The following CGGBP1 variants were observed in gnomAD, a reference collection of about 807,000 sequenced individuals.
The protein encoded by CGGBP1 is CGG triplet repeat binding protein 1.
Under a neutral mutation model 11.4 loss-of-function variants are expected in CGGBP1, and 4 were observed. The ratio of observed to expected loss-of-function variants is 0.35; its 90% CI spans 0.17 to 0.80. The LOEUF (loss-of-function observed/expected upper bound fraction) is 0.80, where lower values mean the gene tolerates loss of function less well. Among genes scored for constraint, CGGBP1 ranks in the 30% least tolerant of loss-of-function variants. The pLI is 0.52. For synonymous variants in CGGBP1, 76 were observed against 74.1 expected, an observed-to-expected ratio of 1.03 and a Z score of -0.13; for missense variants, 135 against 202.1, an observed-to-expected ratio of 0.67 and a Z score of 2.01.
intron 2 of CGGBP1, among the ~76,000 whole-genome samples, chr3:88,133,512 G>A (rs1706587339): frequency 6.6e-6 from 1 of 152,130 alleles, no homozygotes; most frequent in South Asian, 2.1e-4. Context: ...GGGTATTCAT[G>A]AAGGCTTTCC....
At chr3:88,084,775 C>T (rs925004058) in intron 2 of CGGBP1, among the ~76,000 whole-genome samples, 1 of 152,146 alleles carries the variant, frequency 6.6e-6, no homozygotes, top group Admixed American at 6.5e-5. Flanking sequence ...CAGCAAGCAG[C>T]GTGAGTTTCG....
chr3:88,117,956 AAC>A (rs1705513896), intron 2 of CGGBP1, among the ~76,000 whole-genome samples: 1 of 151,996 alleles, frequency 6.6e-6, no homozygotes, highest in African/African-American at 2.4e-5. Context: ...AAAAAAAAAA[AAC>A]AACCAAGAAC....
chr3:88,075,244 C>T (rs1381204582), intron 2 of CGGBP1, among the ~76,000 whole-genome samples: 2 of 152,192 alleles, frequency 1.3e-5, no homozygotes, highest in Non-Finnish European at 2.9e-5. Context: ...GAGCATATCA[C>T]TTACTTGTAG....
chr3:88,091,476 A>C (rs1017550994), intron 2 of CGGBP1, among the ~76,000 whole-genome samples: 1 of 152,116 alleles, frequency 6.6e-6, no homozygotes. Flanking sequence ...TCTTTCATCT[A>C]TATAATCTTT....
chr3:88,056,852 T>G (rs1425041527), intron 3 of CGGBP1: 1 of 152,220 alleles, frequency 6.6e-6, no homozygotes, highest in Non-Finnish European at 1.5e-5. Context: ...TATATTTATT[T>G]AATCTAGAAG....
intron 2 of CGGBP1, among the ~76,000 whole-genome samples, chr3:88,101,371 A>G (rs966136184): frequency 2.0e-5 from 3 of 152,174 alleles, no homozygotes; most frequent in African/African-American, 7.2e-5. Context: ...ATGATATCAT[A>G]GAATATGTAG....
chr3:88,108,622 C>T (rs947191686), intron 2 of CGGBP1, among the ~76,000 whole-genome samples: 9 of 152,176 alleles, frequency 5.9e-5, no homozygotes, highest in African/African-American at 2.2e-4. Context: ...TGTATCTACA[C>T]TGTATACGCT....
intron 2 of CGGBP1, among the ~76,000 whole-genome samples, chr3:88,093,874 A>G (rs1399056300): frequency 6.6e-6 from 1 of 152,186 alleles, no homozygotes; most frequent in Admixed American, 6.5e-5. Flanking sequence ...GCTGGGCCCC[A>G]CAAAAGGTGT....
At chr3:88,097,982 C>G (rs998257090) in intron 2 of CGGBP1, among the ~76,000 whole-genome samples, 6 of 152,056 alleles carry the variant, frequency 3.9e-5, no homozygotes, top group African/African-American at 1.4e-4. Context: ...TAACTAAGAT[C>G]AGAGCAGAAC....
chr3:88,140,396 T>C lies in CGGBP1; in HGVS notation c.-229+574A>G, dbSNP rs192319719. On this transcript the variant is annotated intron_variant, in intron 2 of 3. Coordinates refer to the CGGBP1 transcript ENST00000462901. The stretch of plus-strand genomic sequence containing the variant: ...CTAGTAATGAGAAACAAACTATTAG[T>C]CTGCCAGTTTCTACTAGCAAATCAA... 4.8e-5 allele frequency: 77 copies of C among 1,613,126 alleles called. No individual in the cohort carries two copies. The East Asian group carries it at 1.6e-3, about 33-fold the overall frequency.
chr3:88,065,313 G>C lies in CGGBP1; in HGVS notation c.-228-7090C>G, dbSNP rs138909245. ...TTGTTGCTCCTTAATGCCTTTATAG[G>C]TTGACTTTCAGAGTTGAGTTGAACT... On this transcript the variant is annotated intron_variant, in intron 2 of 3. Coordinates refer to the CGGBP1 transcript ENST00000462901. Among the ~76,000 whole-genome samples, 3 of 152,088 alleles carry C rather than the reference G, an allele frequency of 2.0e-5. No individual in the cohort carries two copies. In the East Asian group the frequency reaches 5.8e-4, roughly 29 times the overall value.
intron 2 of CGGBP1, among the ~76,000 whole-genome samples, chr3:88,073,381 A>G (rs536755712): frequency 6.6e-6 from 1 of 152,224 alleles, no homozygotes; most frequent in Non-Finnish European, 1.5e-5. Context: ...CTGTGGGATA[A>G]TACAGCATTA....
At chr3:88,083,958 T>G (rs201329299) in intron 2 of CGGBP1, among the ~76,000 whole-genome samples, 1 of 40,630 alleles carries the variant, frequency 2.5e-5, no homozygotes, top group African/African-American at 6.4e-5. Flanking sequence ...TATATATATA[T>G]ATATATATAG....
In CGGBP1 at chr3:88,112,228, C is replaced by G. The variant is rs1318773903; in HGVS notation, c.-229+28742G>C. On this transcript the variant is annotated intron_variant, in intron 2 of 3. Coordinates refer to the CGGBP1 transcript ENST00000462901. ...ATAATTTTAAAAGCATATATATTCT[C>G]ATGTTTACATTTTATAATTTTAGTC... is the stretch of plus-strand genomic sequence containing the variant. Among the ~76,000 whole-genome samples the G allele has an allele frequency of 2.0e-5, 3 of 151,546 alleles. No homozygotes were observed. In the East Asian group the frequency reaches 5.8e-4, roughly 29 times the overall value.
intron 2 of CGGBP1, among the ~76,000 whole-genome samples, chr3:88,093,969 A>T (rs1260006196): frequency 1.7e-4 from 26 of 152,322 alleles, no homozygotes; most frequent in African/African-American, 7.2e-5. Flanking sequence ...ACGAACAATT[A>T]TTCAACACCT....
chr3:88,143,332 T>G (rs1576363525), intron 1 of CGGBP1: 1 of 152,246 alleles, frequency 6.6e-6, no homozygotes, highest in East Asian at 1.9e-4. Flanking sequence ...TTATGTAGCC[T>G]ATATTAGGCT....
rs1706441305 is a variant in CGGBP1 at position 88,052,107 on chromosome 3, AAAT to A, written c.*3363_*3365del. ...CTAAGCATACATGCGTGAGCAAAAA[AAAT>A]AAGCACAGAATACAAAAATGAAATA... On this transcript the variant is annotated 3_prime_UTR_variant, in exon 4 of 4. Transcript: ENST00000482016. 1.3e-5 allele frequency: 2 copies of A among 152,642 alleles called. No individual in the cohort carries two copies. Among genetic ancestry groups the A allele is most frequent in the Admixed American group, 6.5e-5 (1 of 15,284 alleles). The allele number at this position is 152,642 out of a possible 1,614,324, so 9.5% of individuals were successfully genotyped here. A position where few individuals can be genotyped will look rare whatever the true frequency, so the allele number is the denominator to read the frequency against.
chr3:88,073,990 G>A (rs1189649042), intron 2 of CGGBP1, among the ~76,000 whole-genome samples: 1 of 152,156 alleles, frequency 6.6e-6, no homozygotes. Flanking sequence ...CTGTGATAGT[G>A]TTTTAGTTTA....
chr3:88,140,028 G>A (rs1197712749), intron 2 of CGGBP1: 1 of 1,613,714 alleles, frequency 6.2e-7, no homozygotes, highest in Non-Finnish European at 8.5e-7. Flanking sequence ...GTGGAGCAAA[G>A]GAAAATGCAA....
Sources: gnomAD v4.1 joint callset for allele counts (sites outside exome capture counted in the v4.1 genomes callset) on GRCh38, gnomAD v4.1.1 for gene constraint, MANE v1.5 for transcripts, NCBI Gene and HGNC (gene_info 2026-07-23, HGNC 2026-07-21) for gene names.